Variants in TTC28 observed in about 807,000 individuals in gnomAD.
TTC28 encodes tetratricopeptide repeat protein 28.
TTC28 carries 61 observed loss-of-function variants against 198.0 expected under a neutral mutation model. The observed-to-expected ratio is 0.31, with a 90% CI of 0.25 to 0.38. The LOEUF (loss-of-function observed/expected upper bound fraction) is 0.38, where lower values mean the gene tolerates loss of function less well. Ranked by LOEUF, TTC28 falls within the 10% of genes least tolerant of loss-of-function variation. The pLI, the probability that TTC28 is intolerant of heterozygous loss-of-function variation, is 1.00. For synonymous variants in TTC28, 1,171 were observed against 1,297.8 expected (o/e 0.90, Z 2.10); for missense variants, 2,678 against 3,164.0 (o/e 0.85, Z 3.69).
At chr22:28,626,887 T>C (rs1167800702) in intron 2 of TTC28, among the ~76,000 whole-genome samples, 1 of 151,978 alleles carries the variant, frequency 6.6e-6, no homozygotes, top group African/African-American at 2.4e-5. Context: ...TTGTCTATAA[T>C]AATAAAAGTA....
intron 1 of TTC28, among the ~76,000 whole-genome samples, chr22:28,642,766 G>A (rs2051390471): frequency 6.6e-6 from 1 of 152,138 alleles, no homozygotes; most frequent in African/African-American, 2.4e-5. Context: ...GGTAACTGGG[G>A]CCCAGTGTGT....
At chr22:28,270,634 T>C (rs1000679218) in intron 5 of TTC28, among the ~76,000 whole-genome samples, 2 of 152,184 alleles carry the variant, frequency 1.3e-5, no homozygotes, top group African/African-American at 4.8e-5. Flanking sequence ...TATTTCCATA[T>C]GTGTTTCACT....
At chr22:27,990,576 G>A (rs748903341) in intron 20 of TTC28, among the ~76,000 whole-genome samples, 2 of 152,182 alleles carry the variant, frequency 1.3e-5, no homozygotes, top group Admixed American at 6.5e-5. Flanking sequence ...AATCAAGGAC[G>A]CAAGAAGGGC....
chr22:28,148,498 A>T (rs1362337907), intron 6 of TTC28, among the ~76,000 whole-genome samples: 1 of 151,762 alleles, frequency 6.6e-6, no homozygotes, highest in African/African-American at 2.4e-5. Context: ...CTGTAGTCCC[A>T]CCTACTCGGG....
intron 6 of TTC28, among the ~76,000 whole-genome samples, chr22:28,151,812 T>C (rs1389044771): frequency 2.0e-5 from 3 of 152,216 alleles, no homozygotes; most frequent in African/African-American, 7.2e-5. Context: ...GCCTGTGATA[T>C]CTCAATTTTT....
chr22:28,163,781 C>G (rs1921534454), intron 5 of TTC28, among the ~76,000 whole-genome samples, 182 bp from the exon 6 acceptor site: 1 of 152,194 alleles, frequency 6.6e-6, no homozygotes, highest in Non-Finnish European at 1.5e-5. Flanking sequence ...GTACCGGGTT[C>G]ATCTCACTGG....
chr22:28,103,359 G>A (rs1228385366), intron 8 of TTC28, among the ~76,000 whole-genome samples: 4 of 152,192 alleles, frequency 2.6e-5, no homozygotes, highest in Non-Finnish European at 1.5e-5. Context: ...ACAGCACCTG[G>A]AGAGCTTGTT....
At chr22:28,405,491 A>G (rs957957768) in intron 2 of TTC28, among the ~76,000 whole-genome samples, 2 of 152,224 alleles carry the variant, frequency 1.3e-5, no homozygotes, top group African/African-American at 4.8e-5. Flanking sequence ...CACAAAAAGG[A>G]TACAGTAAAG....
chr22:28,091,660 CA>C (rs1941818248), intron 12 of TTC28, among the ~76,000 whole-genome samples: 1 of 152,108 alleles, frequency 6.6e-6, no homozygotes, highest in Non-Finnish European at 1.5e-5. Context: ...GACATGGGGT[CA>C]CCGTGCTCTC....
At chr22:28,019,246 G>C (rs566397409) in intron 13 of TTC28, among the ~76,000 whole-genome samples, 1 of 152,250 alleles carries the variant, frequency 6.6e-6, no homozygotes, top group African/African-American at 2.4e-5. Context: ...GCCTCTTCTA[G>C]GGTTTTTAAA....
At chr22:28,286,061 G>A (rs1157279397) in intron 5 of TTC28, among the ~76,000 whole-genome samples, 3 of 151,530 alleles carry the variant, frequency 2.0e-5, no homozygotes, top group African/African-American at 2.4e-5. Context: ...GTGCAGTGGC[G>A]TGATCTCGGC....
rs1569071519 is a variant in TTC28 at position 27,992,581 on chromosome 22, A to G, written c.5553+6T>C. 1 of 1,551,138 alleles carries G rather than the reference A, an allele frequency of 6.4e-7. No individual in the cohort carries two copies. On this transcript the variant is annotated splice_donor_region_variant and intron_variant, in intron 19 of 22. Transcript: ENST00000397906. ...GCCCTGGCTCAGCCCTCCAGGCTCG[A>G]CTTACCCGGCTGATGAGCTGCTCGC...
intron 6 of TTC28, among the ~76,000 whole-genome samples, chr22:28,119,291 C>G (rs527783824): frequency 6.6e-6 from 1 of 152,258 alleles, no homozygotes; most frequent in African/African-American, 2.4e-5. Context: ...TGGTATTATT[C>G]CAAACAGCTT....
intron 13 of TTC28, among the ~76,000 whole-genome samples, chr22:28,020,618 C>T (rs1414283431): frequency 2.6e-5 from 4 of 152,168 alleles, no homozygotes; most frequent in African/African-American, 9.6e-5. Context: ...AGGAAGCCAG[C>T]GCACTGCTCA....
At chr22:28,530,515 C>T (rs537719636) in intron 2 of TTC28, among the ~76,000 whole-genome samples, 38 of 152,260 alleles carry the variant, frequency 2.5e-4, no homozygotes, top group African/African-American at 5.3e-4. Context: ...ACTTCCCCAA[C>T]CTAGCAAGGC....
intron 2 of TTC28, among the ~76,000 whole-genome samples, chr22:28,330,327 G>A (rs944060550): frequency 6.6e-6 from 1 of 152,086 alleles, no homozygotes; most frequent in Non-Finnish European, 1.5e-5. Flanking sequence ...ATAAATTCAG[G>A]TCTTGGTAAT....
At chr22:28,217,694 A>C (rs1927517919) in intron 5 of TTC28, among the ~76,000 whole-genome samples, 1 of 152,218 alleles carries the variant, frequency 6.6e-6, no homozygotes. Context: ...TTTTAGTCTC[A>C]GGATCATTTA....
intron 2 of TTC28, among the ~76,000 whole-genome samples, chr22:28,452,304 C>T (rs1322330920): frequency 2.1e-5 from 3 of 142,116 alleles, no homozygotes; most frequent in African/African-American, 2.6e-5. Flanking sequence ...GCAGGAGAAT[C>T]GCTTGAACCC....
intron 2 of TTC28, among the ~76,000 whole-genome samples, chr22:28,440,500 ACT>A (rs772875772): frequency 3.3e-5 from 5 of 151,874 alleles, no homozygotes; most frequent in Non-Finnish European, 5.9e-5. Flanking sequence ...ACCTATAATC[ACT>A]CTCTTACAGT....
Sources: gnomAD v4.1 joint callset for allele counts (sites outside exome capture counted in the v4.1 genomes callset) on GRCh38, gnomAD v4.1.1 for gene constraint, MANE v1.5 for transcripts, NCBI Gene and HGNC (gene_info 2026-07-23, HGNC 2026-07-21) for gene names.